PCDH15: variants seen among roughly 807,000 people sequenced by gnomAD.
The protein encoded by PCDH15 is protocadherin related 15, also known as protocadherin-15.
Under a neutral mutation model 178.5 loss-of-function variants are expected in PCDH15, and 129 were observed. That is an observed-to-expected ratio of 0.72 (90% CI 0.63 to 0.84). The LOEUF (loss-of-function observed/expected upper bound fraction) is 0.84, where lower values mean the gene tolerates loss of function less well. PCDH15 is among the 40% of genes least tolerant of loss of function. The pLI, the probability that PCDH15 is intolerant of heterozygous loss-of-function variation, is 0.00. For synonymous variants in PCDH15, 800 were observed against 732.0 expected, an observed-to-expected ratio of 1.09 and a Z score of -1.50; for missense variants, 2,230 against 2,099.9, an observed-to-expected ratio of 1.06 and a Z score of -1.21.
At chr10:54,781,294 T>C (rs1011100837) in intron 1 of PCDH15, among the ~76,000 whole-genome samples, 9 of 152,060 alleles carry the variant, frequency 5.9e-5, no homozygotes, top group African/African-American at 2.2e-4. Context: ...TAGGTATTTC[T>C]CCTAATGTTA....
intron 7 of PCDH15, among the ~76,000 whole-genome samples, chr10:54,323,859 T>C (rs1475392880): frequency 6.6e-6 from 1 of 152,194 alleles, no homozygotes; most frequent in Non-Finnish European, 1.5e-5. Flanking sequence ...TCTATGAACA[T>C]TAACCAGAGG....
At chr10:55,590,303 G>A (rs1378035053) in intron 2 of PCDH15, among the ~76,000 whole-genome samples, 4 of 139,320 alleles carry the variant, frequency 2.9e-5, no homozygotes, top group Non-Finnish European at 4.7e-5. Flanking sequence ...TCACACTCTG[G>A]GGACTGTTGT....
intron 16 of PCDH15, among the ~76,000 whole-genome samples, chr10:54,082,647 A>G (rs1267795322): frequency 6.6e-6 from 1 of 152,162 alleles, no homozygotes; most frequent in African/African-American, 2.4e-5. Context: ...CAACTCTTAG[A>G]TAAAAACTAG....
intron 2 of PCDH15, among the ~76,000 whole-genome samples, chr10:55,510,814 T>G (rs1840863201): frequency 6.7e-6 from 1 of 149,650 alleles, no homozygotes. Context: ...TGTATTCATT[T>G]ATTTTATATA....
intron 26 of PCDH15, among the ~76,000 whole-genome samples, chr10:53,890,342 G>A (rs1166809759): frequency 6.6e-6 from 1 of 152,120 alleles, no homozygotes; most frequent in African/African-American, 2.4e-5. Context: ...CAGGAGAATC[G>A]CTTGAACCTG....
upstream of PCDH15, among the ~76,000 whole-genome samples, chr10:55,324,158 A>T (rs1235756945): frequency 1.3e-5 from 2 of 152,162 alleles, no homozygotes; most frequent in East Asian, 3.9e-4. Context: ...GCCATGTGGA[A>T]CTGTTAGTCC....
At position 55,608,998 on chromosome 10, in the gene PCDH15, T is replaced by C. The variant is rs925061358; in HGVS notation, c.-156+18627A>G. On this transcript the variant is annotated intron_variant, in intron 2 of 5. Transcript: ENST00000613346. ...AAGCGATTGTCTATGGGACTATACA[T>C]ATATGTTATATATATATACACACAC... Among the ~76,000 whole-genome samples the C allele has an allele frequency of 3.8e-4, 49 of 130,612 alleles. 1 individual carries two copies. The highest frequency in any genetic ancestry group is 1.4e-4 in the Non-Finnish European group (9 of 63,542). The allele number at this position is 130,612 out of a possible 152,430, so 85.7% of individuals were successfully genotyped here.
intron 2 of PCDH15, among the ~76,000 whole-genome samples, chr10:55,487,986 A>C (rs532063671): frequency 7.9e-4 from 120 of 151,768 alleles, no homozygotes; most frequent in Non-Finnish European, 1.2e-3. Context: ...CTTCAGATTT[A>C]TTTAAAATAT....
At chr10:54,917,375 G>A (rs1224131082) in intron 2 of PCDH15, among the ~76,000 whole-genome samples, 2 of 152,148 alleles carry the variant, frequency 1.3e-5, no homozygotes, top group East Asian at 1.9e-4. Context: ...AAACATTTCT[G>A]CTAAGAACAG....
Position 53,903,352 on chromosome 10 carries a change from T to C in PCDH15, c.3392A>G (p.Tyr1131Cys), listed in dbSNP as rs780384631. Residue 1131 changes from tyrosine to cysteine, a missense_variant, in exon 26 of 38, where the codon TAC (tyrosine) becomes TGC (cysteine). Physicochemically the swap from Tyr to Cys is radical, Grantham distance 194. Transcript: ENST00000644397. ...VPSKSNTAKV[Y>C]IEIQDENNHP... is the part of the protein sequence containing the mutation. ...ATTATTTTCATCCTGAATCTCAATG[T>C]ATACTTTAGCTGTATTGCCTGGAGG... 6.2e-7 allele frequency: 1 copy of C among 1,613,012 alleles called. No homozygotes were observed. Among genetic ancestry groups the C allele is most frequent in the Admixed American group, 1.7e-5 (1 of 60,018 alleles).
intron 2 of PCDH15, among the ~76,000 whole-genome samples, chr10:54,905,999 T>G (rs1449643966): frequency 6.6e-6 from 1 of 152,110 alleles, no homozygotes; most frequent in African/African-American, 2.4e-5. Context: ...ATTCAAAGGT[T>G]TACATAAAGG....
intron 2 of PCDH15, among the ~76,000 whole-genome samples, chr10:54,989,832 C>T (rs1839458090): frequency 6.6e-6 from 1 of 152,138 alleles, no homozygotes; most frequent in African/African-American, 2.4e-5. Context: ...TGTTTCCCCA[C>T]ACAAATCTCA....
chr10:54,349,292 G>A (rs1423229067), intron 5 of PCDH15, among the ~76,000 whole-genome samples: 1 of 152,122 alleles, frequency 6.6e-6, no homozygotes, highest in Admixed American at 6.6e-5. Context: ...TGGTCTTGCG[G>A]GGAAGATATA....
chr10:54,647,278 AC>A (rs1251695597), intron 2 of PCDH15, among the ~76,000 whole-genome samples: 1 of 152,092 alleles, frequency 6.6e-6, no homozygotes, highest in East Asian at 1.9e-4. Flanking sequence ...TACCAATCCT[AC>A]AAAGTATCTA....
intron 15 of PCDH15, among the ~76,000 whole-genome samples, chr10:54,122,983 C>T (rs4278429): frequency 0.69 from 104,557 of 151,912 alleles, 36,340 homozygotes; most frequent in East Asian, 0.99. Flanking sequence ...AAGAATGAAA[C>T]TGGATACCTA....
At chr10:54,625,675 C>A (rs1253502047) in intron 2 of PCDH15, among the ~76,000 whole-genome samples, 1 of 152,178 alleles carries the variant, frequency 6.6e-6, no homozygotes, top group Non-Finnish European at 1.5e-5. Flanking sequence ...CTCTATTAAA[C>A]TTTTTTCCTT....
Position 54,693,424 on chromosome 10 carries a change from C to T in PCDH15, c.-28-29134G>A, listed in dbSNP as rs74938933. On this transcript the variant is annotated intron_variant, in intron 1 of 37. Transcript: ENST00000644397. Reference sequence around the variant, plus strand: ...ATCATGTTCATATATTAGATTAATACAATTAATCACATTCTAAATTGACAA... The same window carrying T: ...ATCATGTTCATATATTAGATTAATATAATTAATCACATTCTAAATTGACAA... Among the ~76,000 whole-genome samples the T allele has an allele frequency of 7.1e-3, 1,087 of 152,160 alleles. 9 individuals are homozygous for T. Among genetic ancestry groups the T allele is most frequent in the African/African-American group, 0.024 (1,000 of 41,508 alleles).
chr10:53,913,462 G>T (rs761297338), intron 25 of PCDH15, among the ~76,000 whole-genome samples: 8 of 151,850 alleles, frequency 5.3e-5, no homozygotes, highest in Non-Finnish European at 2.9e-5. Flanking sequence ...AGCCGGGCGC[G>T]GTGGCTCACA....
intron 2 of PCDH15, among the ~76,000 whole-genome samples, chr10:55,010,005 C>T (rs1226596716): frequency 1.3e-5 from 2 of 152,080 alleles, no homozygotes. Context: ...ACTAAGTCTG[C>T]ATTACTAACA....
Sources: allele counts gnomAD v4.1 joint callset (sites outside exome capture counted in the v4.1 genomes callset), GRCh38; gene constraint gnomAD v4.1.1; transcripts MANE v1.5; gene names NCBI Gene and HGNC (gene_info 2026-07-23, HGNC 2026-07-21).